Variants in FCAMR observed in about 807,000 individuals in gnomAD.
The protein encoded by FCAMR is high affinity immunoglobulin alpha and immunoglobulin mu Fc receptor.
In FCAMR, 51 loss-of-function variants were observed where a neutral mutation model predicts 52.2. The observed-to-expected ratio is 0.98, with a 90% CI of 0.78 to 1.23. The LOEUF (loss-of-function observed/expected upper bound fraction) is 1.23, where lower values mean the gene tolerates loss of function less well. Among genes scored for constraint, FCAMR ranks in the 50% most tolerant of loss-of-function variants. The pLI is 0.00. For missense variants in FCAMR, 719 were observed against 712.6 expected (o/e 1.01, Z -0.10); for synonymous variants, 282 against 262.0 (o/e 1.08, Z -0.74).
Position 206,960,468 on chromosome 1 carries a change from C to T in FCAMR, c.1408G>A (p.Ala470Thr), listed in dbSNP as rs189722948. The T allele has an allele frequency of 5.2e-6, 8 of 1,537,660 alleles. No homozygotes were observed. The East Asian group carries it at 9.8e-5, about 19-fold the overall frequency. Residue 470 changes from alanine to threonine, a missense_variant, in exon 6 of 8, where the codon GCA becomes ACA. Ala to Thr is a moderately conservative substitution (Grantham distance 58). Coordinates refer to ENST00000324852, the MANE Select transcript of FCAMR (RefSeq NM_001170631.2). Reference sequence around the variant, plus strand: ...CCAGGGGGTCCCCAGGGTCCTACTGCCGGGGTCTGGCTCAGTGTTGCTTGG... The same window carrying T: ...CCAGGGGGTCCCCAGGGTCCTACTGTCGGGGTCTGGCTCAGTGTTGCTTGG... ...GPQATLSQTP[A>T]VGPWGPPGKE...
At position 206,965,737 on chromosome 1, in the gene FCAMR, C is replaced by T; in HGVS notation, c.291G>A (p.Trp97Ter). Residue 97 changes from tryptophan to a stop codon, truncating the protein, a stop_gained, in exon 4 of 8, where the codon TGG becomes TGA. Transcript: ENST00000324852. LOFTEE classifies it high-confidence loss of function. ...GTLRPSSPLCWREESSFAAPN... is the reference protein window; with the variant it reads ...GTLRPSSPLC ...TACCTGCAAAGGAGCTCTCCTCCCG[C>T]CAGCAGAGGGGCGAGGAAGGCCTGA... 1 of 1,576,266 alleles carries T rather than the reference C, an allele frequency of 6.3e-7. No homozygotes were observed. The highest frequency in any genetic ancestry group is 8.6e-7 in the Non-Finnish European group (1 of 1,166,104).
intron 4 of FCAMR, 97 bp from the exon 5 acceptor site, chr1:206,962,648 A>T: frequency 9.9e-7 from 1 of 1,005,058 alleles, no homozygotes; most frequent in Non-Finnish European, 1.4e-6. Flanking sequence ...TTAGGGGTCA[A>T]GTCAGAAAAT....
chr1:206,962,155 C>T (rs1455128352), intron 5 of FCAMR, 58 bp downstream of exon 5: 2 of 1,551,190 alleles, frequency 1.3e-6, no homozygotes, highest in East Asian at 2.3e-5. Flanking sequence ...TTCTCTCCCA[C>T]TTTCTCCTTC....
At chr1:206,967,251 AG>A (rs1450367690) in intron 2 of FCAMR, 139 bp from the exon 3 acceptor site, 1 of 797,080 alleles carries the variant, frequency 1.3e-6, no homozygotes, top group Non-Finnish European at 2.1e-6. Flanking sequence ...TCTGAGAGTA[AG>A]ACAAGCACTT....
Position 206,965,588 on chromosome 1 carries a change from G to A in FCAMR, c.313+127C>T, listed in dbSNP as rs1321965322. On this transcript the variant is annotated intron_variant, in intron 4 of 7. Transcript: ENST00000324852. The stretch of plus-strand genomic sequence containing the variant: ...ATCCCCTCATTGTTACTCAGCAATT[G>A]TCTATTGCTATGGCTTCCATTAGGA... 4 of 1,174,362 alleles carry A rather than the reference G, an allele frequency of 3.4e-6. No homozygotes were observed. In the African/African-American group the frequency reaches 6.4e-5, roughly 19 times the overall value. 72.7% of individuals were successfully genotyped at this position (1,174,362 alleles called of 1,614,324 possible). A position where few individuals can be genotyped will look rare whatever the true frequency, so the allele number is the denominator to read the frequency against.
At position 206,958,395 on chromosome 1, in the gene FCAMR, C is replaced by A. The variant is rs17018316; in HGVS notation, c.*121G>T. 1 of 1,150,480 alleles carries A rather than the reference C, an allele frequency of 8.7e-7. No individual in the cohort carries two copies. The highest frequency in any genetic ancestry group is 1.2e-6 in the Non-Finnish European group (1 of 831,800). The allele number at this position is 1,150,480 out of a possible 1,614,324, so 71.3% of individuals were successfully genotyped here. The stretch of plus-strand genomic sequence containing the variant: ...AGCCTTTCTTCCATGGGTGGAGCAC[C>A]GGCTGCATCAGCTTCTCTTCCCACA... On this transcript the variant is annotated 3_prime_UTR_variant, in exon 8 of 8. Coordinates refer to ENST00000324852, the MANE Select transcript of FCAMR (RefSeq NM_001170631.2).
chr1:206,968,764 G>A (rs1221051158), intron 1 of FCAMR, among the ~76,000 whole-genome samples: 2 of 152,190 alleles, frequency 1.3e-5, no homozygotes, highest in Non-Finnish European at 2.9e-5. Flanking sequence ...GAAGGGAAAA[G>A]GGAAGAGAGA....
In FCAMR at chr1:206,962,488, T is replaced by C; in HGVS notation, c.377A>G (p.Gln126Arg). 6.2e-7 allele frequency: 1 copy of C among 1,609,388 alleles called. No homozygotes were observed. The highest frequency in any genetic ancestry group is 8.5e-7 in the Non-Finnish European group (1 of 1,176,136). The change falls in exon 5 of 8, where the codon CAG becomes CGG. Residue 126 changes from glutamine to arginine, a missense_variant. Gln to Arg is a conservative substitution (Grantham distance 43). Transcript: ENST00000324852. ...SGEPGGAVTI[Q>R]CHYAPSSVNR... The stretch of plus-strand genomic sequence containing the variant: ...GACAGATGAGGGGGCATAATGGCAC[T>C]GGATGGTGACAGCTCCTCCAGGCTC...
At chr1:206,962,585 G>A (rs1048619697) in intron 4 of FCAMR, 34 bp from the exon 5 acceptor site, 3 of 1,478,578 alleles carry the variant, frequency 2.0e-6, no homozygotes, top group Non-Finnish European at 2.7e-6. Flanking sequence ...AGGAGAGGAA[G>A]TGGTGAGCAT....
Position 206,967,635 on chromosome 1 carries a change from C to T in FCAMR, c.56G>A (p.Gly19Glu). The T allele has an allele frequency of 6.2e-7, 1 of 1,614,132 alleles. No individual in the cohort carries two copies. The highest frequency in any genetic ancestry group is 1.6e-4 in the Middle Eastern group (1 of 6,062). The stretch of plus-strand genomic sequence containing the variant: ...GAGCCTGGAGTAGTCCACTTCTCTT[C>T]CTCTCCTCACCACTTCCTGTTTGCA... Reference protein sequence around the residue: ...PGEQKEVVRRGREVDYSRLIA... With the variant: ...PGEQKEVVRREREVDYSRLIA... Residue 19 changes from glycine (G) to glutamate (E), a missense_variant, in exon 2 of 8, where the codon GGA (glycine) becomes GAA (glutamate). By Grantham distance (98) the Gly-to-Glu change is moderately conservative. Coordinates refer to ENST00000324852, the MANE Select transcript of FCAMR (RefSeq NM_001170631.2).
In FCAMR at chr1:206,959,760, C is replaced by A. The variant is rs1353742439; in HGVS notation, c.1492G>T (p.Ala498Ser). ...PEDESSSRTL[A>S]PVSTMLALFM... ...AGGGCCAGCATGGTAGAGACAGGAG[C>A]CAGGGTCCGAGAGCTGCTTTCATCT... Residue 498 changes from alanine (A) to serine (S), a missense_variant, in exon 7 of 8, where the codon GCT (alanine) becomes TCT (serine). Coordinates refer to ENST00000324852, the MANE Select transcript of FCAMR (RefSeq NM_001170631.2). 1 of 1,614,132 alleles carries A rather than the reference C, an allele frequency of 6.2e-7. No individual in the cohort carries two copies. The highest frequency in any genetic ancestry group is 8.5e-7 in the Non-Finnish European group (1 of 1,180,022).
chr1:206,969,204 G>A, intron 1 of FCAMR: 1 of 418,626 alleles, frequency 2.4e-6, no homozygotes, highest in Non-Finnish European at 4.9e-6. Flanking sequence ...GCACATGTTG[G>A]GGCCAAAGTC....
At position 206,961,185 on chromosome 1, in the gene FCAMR, C is replaced by T. The variant is rs376426554; in HGVS notation, c.691G>A (p.Gly231Arg). ...CCATAGGATCTCATGGTGAGCTCCC[C>T]AGCAGCTGGAGTGGCTGTGGGGAGG... is the stretch of plus-strand genomic sequence containing the variant. ...STLPTATPAA[G>R]ELTMRSYGTA... Residue 231 changes from glycine (G) to arginine (R), a missense_variant, in exon 6 of 8, where the codon GGG becomes AGG. Coordinates refer to ENST00000324852, the MANE Select transcript of FCAMR (RefSeq NM_001170631.2). 3.9e-4 allele frequency: 606 copies of T among 1,551,214 alleles called. 7 individuals carry two copies. The South Asian group carries it at 6.8e-3, about 17-fold the overall frequency.
At chr1:206,968,449 A>G (rs1680802150) in intron 1 of FCAMR, among the ~76,000 whole-genome samples, 1 of 152,224 alleles carries the variant, frequency 6.6e-6, no homozygotes, top group Non-Finnish European at 1.5e-5. Flanking sequence ...GAATCTATCT[A>G]TTGCTTCTGT....
At chr1:206,967,720 A>G in intron 1 of FCAMR, 69 bp from the exon 2 acceptor site, 1 of 1,409,444 alleles carries the variant, frequency 7.1e-7, no homozygotes, top group Non-Finnish European at 1.0e-6. Flanking sequence ...TGCCTCGGTT[A>G]GTAACAAGGA....
chr1:206,958,432 G>T lies in FCAMR; in HGVS notation c.*84C>A. On this transcript the variant is annotated 3_prime_UTR_variant, in exon 8 of 8. Transcript: ENST00000324852. Reference sequence around the variant, plus strand: ...CTTCTCTTCCCACAGGTGGAGGAAGGATGATGGAAAGAGGCTGGGGTCCTG... The same window carrying T: ...CTTCTCTTCCCACAGGTGGAGGAAGTATGATGGAAAGAGGCTGGGGTCCTG... 7.2e-7 allele frequency: 1 copy of T among 1,397,156 alleles called. No homozygotes were observed. The highest frequency in any genetic ancestry group is 9.6e-7 in the Non-Finnish European group (1 of 1,042,794). The allele number at this position is 1,397,156 out of a possible 1,614,324, so 86.5% of individuals were successfully genotyped here.
rs947166209 is a variant in FCAMR, at chr1:206,960,742, T to A, written c.1134A>T (p.Pro378=). Residue 378 remains proline (P), a synonymous_variant, in exon 6 of 8, where the codon CCA becomes CCT. Transcript: ENST00000324852. ...CCAAAGTTTCTGAGACCAGAGCTGG[T>A]GGCCCAATGGTTCCTAGGACCTTTT... ...AAKKVLGTIG[P]PALVSETLAW... 1 of 1,552,304 alleles carries A rather than the reference T, an allele frequency of 6.4e-7. No homozygotes were observed. Among genetic ancestry groups the A allele is most frequent in the African/African-American group, 1.4e-5 (1 of 73,062 alleles).
In FCAMR at chr1:206,958,558, A is replaced by C. The variant is rs1164356378; in HGVS notation, c.1692T>G (p.Ala564=). ...TCTCTGGGGCAGTCAGGCTGGCCCCAGCAGGAAGAGAGTCATCCTGGAGCA... is the reference window on the plus strand; with the variant it reads ...TCTCTGGGGCAGTCAGGCTGGCCCCCGCAGGAAGAGAGTCATCCTGGAGCA... ...RKMLQDDSLP[A]GASLTAPERN... Residue 564 remains alanine, a synonymous_variant, in exon 8 of 8, where the codon GCT becomes GCG. Coordinates refer to ENST00000324852, the MANE Select transcript of FCAMR (RefSeq NM_001170631.2). 1 of 1,613,212 alleles carries C rather than the reference A, an allele frequency of 6.2e-7. No individual in the cohort carries two copies. Among genetic ancestry groups the C allele is most frequent in the Non-Finnish European group, 8.5e-7 (1 of 1,179,904 alleles).
At chr1:206,958,875 C>T (rs1337554381) in intron 7 of FCAMR, 199 bp from the exon 8 acceptor site, 4 of 698,148 alleles carry the variant, frequency 5.7e-6, no homozygotes, top group Admixed American at 4.2e-5. Context: ...GAACCTTAGC[C>T]TCCTCCACTT....
Sources: allele counts gnomAD v4.1 joint callset (sites outside exome capture counted in the v4.1 genomes callset), GRCh38; gene constraint gnomAD v4.1.1; transcripts MANE v1.5; gene names NCBI Gene and HGNC (gene_info 2026-07-23, HGNC 2026-07-21).